Variants in INPP5B observed in about 807,000 individuals in gnomAD.
INPP5B encodes the protein type II inositol 1,4,5-trisphosphate 5-phosphatase.
In INPP5B, 90 loss-of-function variants were observed where a neutral mutation model predicts 118.5. The ratio of observed to expected loss-of-function variants is 0.76; its 90% CI spans 0.64 to 0.90. The LOEUF (loss-of-function observed/expected upper bound fraction) is 0.90. Among genes scored for constraint, INPP5B ranks in the 40% least tolerant of loss-of-function variants. The probability of loss-of-function intolerance (pLI) is 0.00; values close to 1 mark genes in which losing one functional copy is unlikely to be tolerated. For missense variants in INPP5B, 984 were observed against 1,125.6 expected, an observed-to-expected ratio of 0.87 and a Z score of 1.80; for synonymous variants, 385 against 418.9, an observed-to-expected ratio of 0.92 and a Z score of 0.99.
chr1:37,931,200 C>T (rs1645443569), intron 7 of INPP5B: 13 of 323,300 alleles, frequency 4.0e-5, no homozygotes, highest in South Asian at 3.2e-4. Context: ...AAGACTCCAG[C>T]CCTGTACACT....
intron 14 of INPP5B, 90 bp downstream of exon 14, chr1:37,882,717 G>A (rs1287806973): frequency 3.3e-6 from 3 of 915,426 alleles, no homozygotes; most frequent in African/African-American, 3.3e-5. Context: ...AAGCCAAGGA[G>A]GAAGAGGCTG....
intron 7 of INPP5B, among the ~76,000 whole-genome samples, chr1:37,923,341 G>A (rs1645119201): frequency 6.6e-6 from 1 of 152,186 alleles, no homozygotes; most frequent in Non-Finnish European, 1.5e-5. Flanking sequence ...GAAGTAAAAG[G>A]AAATGAAGAT....
At chr1:37,915,048 C>T (rs905981530) in intron 7 of INPP5B, among the ~76,000 whole-genome samples, 2 of 152,166 alleles carry the variant, frequency 1.3e-5, no homozygotes, top group Admixed American at 6.5e-5. Flanking sequence ...AGCTTGATTG[C>T]GATGTGTAAA....
In INPP5B at chr1:37,872,021, G is replaced by C. The variant is rs140996128; in HGVS notation, c.2187+909C>G. 4.5e-3 allele frequency among the ~76,000 whole-genome samples: 581 copies of C among 129,376 alleles called. 9 individuals are homozygous for C. Among genetic ancestry groups the C allele is most frequent in the Middle Eastern group, 0.04 (8 of 202 alleles). The allele number at this position is 129,376 out of a possible 152,430, so 84.9% of individuals were successfully genotyped here. On this transcript the variant is annotated intron_variant, in intron 19 of 23. Coordinates refer to ENST00000373024, the MANE Select transcript of INPP5B (RefSeq NM_005540.3). ...GGAGGGTGCAGTAAGCTGAGATTGA[G>C]CCACCGCACTCCAGCCTGGACAACA...
At position 37,907,213 on chromosome 1, in the gene INPP5B, C is replaced by T. The variant is rs527606724; in HGVS notation, c.533-15759G>A. ...TGCTGTTGTACTCTTTGTGTAGAAA[C>T]GCACAATAAGCTTACTGAATGTTTT... On this transcript the variant is annotated intron_variant, in intron 7 of 23. Coordinates refer to ENST00000373024, the MANE Select transcript of INPP5B (RefSeq NM_005540.3). The surrounding 1 kb of genome is among the most constrained non-coding windows in gnomAD (Gnocchi z 4.3). Among the ~76,000 whole-genome samples the T allele has an allele frequency of 2.5e-4, 38 of 152,168 alleles. No homozygotes were observed. The highest frequency in any genetic ancestry group is 6.5e-4 in the Admixed American group (10 of 15,276).
chr1:37,928,256 C>T (rs1364802081), intron 7 of INPP5B, among the ~76,000 whole-genome samples: 1 of 152,126 alleles, frequency 6.6e-6, no homozygotes, highest in Non-Finnish European at 1.5e-5. Context: ...TCACTGCAAT[C>T]GCCACCTCCC....
chr1:37,923,037 G>A (rs1345627498), intron 7 of INPP5B, among the ~76,000 whole-genome samples: 1 of 152,174 alleles, frequency 6.6e-6, no homozygotes, highest in Non-Finnish European at 1.5e-5. Flanking sequence ...CCAGGAAGCG[G>A]GGAGGGCAAC....
chr1:37,873,999 G>A lies in INPP5B; in HGVS notation c.1945C>T (p.Leu649=), dbSNP rs756930515. The part of the protein sequence containing the change: ...LNANPSRGFL[L]PDSDVEIDLE... ...CTAGGAACAGAGGCCTTACCTGGCA[G>A]GAGGAAGCCTCTGCTGGGGTTGGCA... The change falls in exon 18 of 24, where the codon CTG becomes TTG. Residue 649 remains leucine (L), a synonymous_variant. Transcript: ENST00000373024. 1 of 1,567,802 alleles carries A rather than the reference G, an allele frequency of 6.4e-7. No homozygotes were observed. Among genetic ancestry groups the A allele is most frequent in the South Asian group, 1.2e-5 (1 of 86,418 alleles).
chr1:37,867,722 A>T (rs1642131006), intron 20 of INPP5B, among the ~76,000 whole-genome samples: 1 of 152,188 alleles, frequency 6.6e-6, no homozygotes, highest in Admixed American at 6.5e-5. Context: ...CCTGAAACCT[A>T]TATAAACAGG....
At position 37,862,413 on chromosome 1, in the gene INPP5B, A is replaced by C; in HGVS notation, c.2644T>G (p.Leu882Val). ...TGACCAGCTGGGTTTCGAAGCAATA[A>C]GCTGCCAAATATGCTAGCTGCAAGA... Reference protein sequence around the residue: ...ENILASIFGSLLLRNPAGHQK... With the variant: ...ENILASIFGSVLLRNPAGHQK... The change falls in exon 24 of 24, where the codon TTA (leucine) becomes GTA (valine). Residue 882 changes from leucine (L) to valine (V), a missense_variant. Around this residue, in one of 2 missense-constraint regions of INPP5B, gnomAD observed 634 missense variants for 791.0 expected, o/e 0.80. Coordinates refer to ENST00000373024, the MANE Select transcript of INPP5B (RefSeq NM_005540.3). The C allele has an allele frequency of 1.2e-6, 2 of 1,612,404 alleles. No homozygotes were observed. Among genetic ancestry groups the C allele is most frequent in the Non-Finnish European group, 1.7e-6 (2 of 1,178,428 alleles).
At chr1:37,898,036 T>C (rs539497995) in intron 7 of INPP5B, among the ~76,000 whole-genome samples, 4 of 152,314 alleles carry the variant, frequency 2.6e-5, no homozygotes, top group African/African-American at 9.6e-5. Context: ...GCAACCAAGA[T>C]ATATTTCAAC....
chr1:37,943,851 G>A lies in INPP5B; in HGVS notation c.195C>T (p.Asp65=), dbSNP rs755335875. The A allele has an allele frequency of 1.1e-5, 18 of 1,613,976 alleles. No individual in the cohort carries two copies. Among genetic ancestry groups the A allele is most frequent in the African/African-American group, 2.7e-5 (2 of 74,884 alleles). Residue 65 remains aspartate, a synonymous_variant, in exon 4 of 24, where the codon GAC becomes GAT. Coordinates refer to ENST00000373024, the MANE Select transcript of INPP5B (RefSeq NM_005540.3). Reference sequence around the variant, plus strand: ...GCACTATCTGGTCCAGAGAGACATCGTCCCCGGTAATGGCCATCCTCCGGT... The same window carrying A: ...GCACTATCTGGTCCAGAGAGACATCATCCCCGGTAATGGCCATCCTCCGGT... ...YTHRRMAITG[D]DVSLDQIVPV... is the part of the protein sequence containing the mutation.
At chr1:37,902,186 C>T (rs748089994) in intron 7 of INPP5B, among the ~76,000 whole-genome samples, 3 of 151,980 alleles carry the variant, frequency 2.0e-5, no homozygotes, top group Non-Finnish European at 2.9e-5. Context: ...GGGGTTTCAC[C>T]ATGTTGGCCA....
chr1:37,922,928 T>C (rs958722617), intron 7 of INPP5B, among the ~76,000 whole-genome samples: 2 of 152,172 alleles, frequency 1.3e-5, no homozygotes, highest in Non-Finnish European at 2.9e-5. Flanking sequence ...CCTGGAGAGA[T>C]GACTTGAATT....
chr1:37,888,254 G>C lies in INPP5B; in HGVS notation c.888C>G (p.Val296=). 6.4e-7 allele frequency: 1 copy of C among 1,570,054 alleles called. No homozygotes were observed. Among genetic ancestry groups the C allele is most frequent in the African/African-American group, 1.4e-5 (1 of 72,876 alleles). ...WLSNGIQAPD[V]YCVGFQELDL... Reference sequence around the variant, plus strand: ...AGAGAAGCACTCACCCTACACAATAGACATCTGGGGCCTGGATACCATTGC... The same window carrying C: ...AGAGAAGCACTCACCCTACACAATACACATCTGGGGCCTGGATACCATTGC... Residue 296 remains valine, a synonymous_variant, in exon 10 of 24, where the codon GTC becomes GTG. Transcript: ENST00000373024.
chr1:37,861,737 G>GA lies in INPP5B; in HGVS notation c.*577dup, dbSNP rs906397063. ...AAGAGTGAAACTCCATCTCAAAAAA[G>GA]AAAAAAAAAAAAAAAAGGCCGGGCG... On this transcript the variant is annotated 3_prime_UTR_variant, in exon 24 of 24. Transcript: ENST00000373024. 698 of 78,088 alleles carry GA rather than the reference G, an allele frequency of 8.9e-3. 3 individuals are homozygous for GA. The highest frequency in any genetic ancestry group is 0.019 in the African/African-American group (379 of 19,898). The allele number at this position is 78,088 out of a possible 1,614,324, so 4.8% of individuals were successfully genotyped here.
intron 3 of INPP5B, among the ~76,000 whole-genome samples, chr1:37,944,650 T>C (rs1223386397): frequency 6.6e-6 from 1 of 151,524 alleles, no homozygotes; most frequent in Non-Finnish European, 1.5e-5. Context: ...GCTGCAATCG[T>C]AGTTCACTGT....
At position 37,885,698 on chromosome 1, in the gene INPP5B, G is replaced by T; in HGVS notation, c.1259C>A (p.Ser420Tyr). The change falls in exon 13 of 24, where the codon TCT becomes TAT. Residue 420 changes from serine (S) to tyrosine (Y), a missense_variant. By Grantham distance (144) the Ser-to-Tyr change is moderately radical (BLOSUM62 -2). Around this residue, in one of 2 missense-constraint regions of INPP5B, gnomAD observed 634 missense variants for 791.0 expected, o/e 0.80. Coordinates refer to ENST00000373024, the MANE Select transcript of INPP5B (RefSeq NM_005540.3). ...RRNQDYKDIC[S>Y]RMQFCQPDPS... ...GTCAGGCTGACAAAACTGCATTCGAGAACAAATGTCCTTATAGTCCTGGTT... is the reference window on the plus strand; with the variant it reads ...GTCAGGCTGACAAAACTGCATTCGATAACAAATGTCCTTATAGTCCTGGTT... 6.2e-7 allele frequency: 1 copy of T among 1,614,154 alleles called. No individual in the cohort carries two copies. Among genetic ancestry groups the T allele is most frequent in the Non-Finnish European group, 8.5e-7 (1 of 1,180,024 alleles).
chr1:37,892,697 A>G (rs950599507), intron 7 of INPP5B, among the ~76,000 whole-genome samples: 2 of 152,172 alleles, frequency 1.3e-5, no homozygotes, highest in African/African-American at 4.8e-5. Context: ...TTACACCTCA[A>G]TGCCTCCAAT....
Sources: gnomAD v4.1 joint callset for allele counts (sites outside exome capture counted in the v4.1 genomes callset) on GRCh38, gnomAD v4.1.1 for gene constraint, gnomAD v4.1.1 regional missense constraint, Gnocchi (gnomAD v3.1) non-coding constraint, MANE v1.5 for transcripts, NCBI Gene and HGNC (gene_info 2026-07-23, HGNC 2026-07-21) for gene names.